Variants in CHL1 observed in about 807,000 individuals in gnomAD.
CHL1 encodes neural cell adhesion molecule L1-like protein.
In CHL1, 96 loss-of-function variants were observed where a neutral mutation model predicts 141.9. The observed-to-expected ratio is 0.68, with a 90% CI of 0.57 to 0.80. The LOEUF (loss-of-function observed/expected upper bound fraction) is 0.80, where lower values mean the gene tolerates loss of function less well. Among genes scored for constraint, CHL1 ranks in the 30% least tolerant of loss-of-function variants. The pLI is 0.00. For synonymous variants in CHL1, 613 were observed against 502.2 expected, an observed-to-expected ratio of 1.22 and a Z score of -2.95; for missense variants, 1,820 against 1,457.2, an observed-to-expected ratio of 1.25 and a Z score of -4.05.
chr3:353,632 A>G (rs893567929), intron 10 of CHL1, among the ~76,000 whole-genome samples: 2 of 152,188 alleles, frequency 1.3e-5, no homozygotes, highest in Non-Finnish European at 2.9e-5. Flanking sequence ...ATGAACTTAC[A>G]GTTCTTTCCT....
chr3:396,804 G>A (rs895478464), intron 24 of CHL1, among the ~76,000 whole-genome samples: 10 of 151,936 alleles, frequency 6.6e-5, no homozygotes, highest in African/African-American at 1.7e-4. Flanking sequence ...TATAAGTACA[G>A]GGAAAAAAAT....
At chr3:364,490 T>C (rs1215889915) in intron 14 of CHL1, among the ~76,000 whole-genome samples, 1 of 152,224 alleles carries the variant, frequency 6.6e-6, no homozygotes, top group Non-Finnish European at 1.5e-5. Context: ...GCACTCCTAT[T>C]GCCCAATACA....
intron 6 of CHL1, 93 bp downstream of exon 6, chr3:341,009 T>A (rs1702305967): frequency 3.7e-6 from 5 of 1,334,496 alleles, no homozygotes; most frequent in Non-Finnish European, 5.2e-6. Context: ...AAATAAAAAA[T>A]AAAGATCTCT....
chr3:287,922 C>T (rs929306302), intron 2 of CHL1, among the ~76,000 whole-genome samples: 11 of 142,276 alleles, frequency 7.7e-5, no homozygotes, highest in East Asian at 2.0e-4. Flanking sequence ...TGCGCCATCA[C>T]GCCAGGCTAA....
At chr3:379,576 C>A (rs1284124439) in intron 16 of CHL1, among the ~76,000 whole-genome samples, 1 of 152,088 alleles carries the variant, frequency 6.6e-6, no homozygotes, top group Non-Finnish European at 1.5e-5. Flanking sequence ...TCTCAGCCAC[C>A]AAAAGGACCG....
intron 3 of CHL1, among the ~76,000 whole-genome samples, chr3:324,052 A>G (rs1426818498): frequency 1.3e-5 from 2 of 152,134 alleles, no homozygotes; most frequent in African/African-American, 2.4e-5. Flanking sequence ...TTCCTGTTAT[A>G]GTAAATATTG....
At position 314,151 on chromosome 3, in the gene CHL1, C is replaced by T. The variant is rs138782040; in HGVS notation, c.-94-5532C>T. Among the ~76,000 whole-genome samples the T allele has an allele frequency of 5.8e-3, 871 of 151,164 alleles. 5 individuals carry two copies. The highest frequency in any genetic ancestry group is 0.02 in the African/African-American group (808 of 41,290). Reference sequence around the variant, plus strand: ...TTCTCAAGATTTTGTCTACCTTTTGCCTAAAGAATCTCCTTACTGCTGTTG... The same window carrying T: ...TTCTCAAGATTTTGTCTACCTTTTGTCTAAAGAATCTCCTTACTGCTGTTG... On this transcript the variant is annotated intron_variant, in intron 2 of 27. Transcript: ENST00000256509.
chr3:265,379 T>A (rs1695065436), intron 2 of CHL1, among the ~76,000 whole-genome samples: 1 of 152,244 alleles, frequency 6.6e-6, no homozygotes, highest in Non-Finnish European at 1.5e-5. Context: ...AACATTTCTA[T>A]AATATCACTC....
At position 363,293 on chromosome 3, in the gene CHL1, A is replaced by G; in HGVS notation, c.1495A>G (p.Arg499Gly). The stretch of plus-strand genomic sequence containing the variant: ...TGAAAATGGCACATTGCAGATCAAC[A>G]GAACCACCGAAGAAGATGCTGGGTC... ...IYENGTLQIN[R>G]TTEEDAGSYS... Residue 499 changes from arginine (R) to glycine (G), a missense_variant, in exon 14 of 28, where the codon AGA (arginine) becomes GGA (glycine). Transcript: ENST00000256509. The G allele has an allele frequency of 6.2e-7, 1 of 1,613,824 alleles. No homozygotes were observed. The highest frequency in any genetic ancestry group is 8.5e-7 in the Non-Finnish European group (1 of 1,179,796).
chr3:230,728 T>G (rs1325411309), intron 1 of CHL1, among the ~76,000 whole-genome samples: 1 of 152,172 alleles, frequency 6.6e-6, no homozygotes, highest in Admixed American at 6.5e-5. Context: ...ATCATTTTTG[T>G]ATTGTGGTAA....
chr3:277,536 C>A (rs1466779787), intron 2 of CHL1, among the ~76,000 whole-genome samples: 1 of 152,036 alleles, frequency 6.6e-6, no homozygotes, highest in Non-Finnish European at 1.5e-5. Flanking sequence ...TACTTTTATC[C>A]TTTTCAGAAT....
chr3:334,084 G>C (rs966015863), intron 5 of CHL1, among the ~76,000 whole-genome samples: 1 of 152,092 alleles, frequency 6.6e-6, no homozygotes, highest in African/African-American at 2.4e-5. Flanking sequence ...AACCTACCCA[G>C]TAGCTGGGAC....
intron 1 of CHL1, among the ~76,000 whole-genome samples, chr3:204,942 A>T (rs1386079977): frequency 1.3e-5 from 2 of 152,204 alleles, no homozygotes; most frequent in African/African-American, 4.8e-5. Context: ...AGATGAAAAA[A>T]ACTAATGCAA....
chr3:358,847 G>C (rs1297537660), intron 11 of CHL1, among the ~76,000 whole-genome samples: 2 of 151,580 alleles, frequency 1.3e-5, no homozygotes, highest in Non-Finnish European at 2.9e-5. Flanking sequence ...CAGAAAAGTA[G>C]AATTCGATTG....
intron 1 of CHL1, among the ~76,000 whole-genome samples, chr3:198,581 G>A (rs968901209): frequency 1.3e-5 from 2 of 152,190 alleles, no homozygotes; most frequent in Non-Finnish European, 2.9e-5. Context: ...CCTCTATACT[G>A]GGTTGTTGCA....
intron 2 of CHL1, among the ~76,000 whole-genome samples, chr3:276,855 C>G (rs975322475): frequency 5.8e-5 from 8 of 137,836 alleles, no homozygotes; most frequent in Admixed American, 3.2e-4. Flanking sequence ...TGCCACTGCA[C>G]TCCAGCCTGG....
intron 5 of CHL1, among the ~76,000 whole-genome samples, chr3:339,978 T>A (rs1702235451): frequency 6.6e-6 from 1 of 152,150 alleles, no homozygotes; most frequent in Non-Finnish European, 1.5e-5. Context: ...CCACCAAAAG[T>A]TGAAAGATAT....
intron 3 of CHL1, among the ~76,000 whole-genome samples, chr3:324,461 A>G (rs1700840525): frequency 6.6e-6 from 1 of 152,088 alleles, no homozygotes; most frequent in African/African-American, 2.4e-5. Context: ...TCAGCAGTAG[A>G]TCTTTACACA....
intron 2 of CHL1, among the ~76,000 whole-genome samples, chr3:279,494 A>G (rs929234362): frequency 1.3e-5 from 2 of 152,176 alleles, no homozygotes; most frequent in African/African-American, 4.8e-5. Flanking sequence ...TTATGTCACT[A>G]CCAAGTCTAG....
Sources: gnomAD v4.1 joint callset for allele counts (sites outside exome capture counted in the v4.1 genomes callset) on GRCh38, gnomAD v4.1.1 for gene constraint, MANE v1.5 for transcripts, NCBI Gene and HGNC (gene_info 2026-07-23, HGNC 2026-07-21) for gene names.